Variants in C12orf42 observed in about 807,000 individuals in gnomAD.
C12orf42 encodes the protein chromosome 12 open reading frame 42.
In C12orf42, 25 loss-of-function variants were observed where a neutral mutation model predicts 21.6. That is an observed-to-expected ratio of 1.16 (90% CI 0.84 to 1.62). C12orf42 has a LOEUF of 1.62. Ranked by LOEUF, C12orf42 falls within the 40% of genes most tolerant of loss-of-function variation. The pLI, the probability that C12orf42 is intolerant of heterozygous loss-of-function variation, is 0.00. For synonymous variants in C12orf42, 174 were observed against 175.0 expected (o/e 0.99, Z 0.05); for missense variants, 483 against 459.3 (o/e 1.05, Z -0.47).
intron 2 of C12orf42, among the ~76,000 whole-genome samples, chr12:103,471,815 T>G (rs1459910754): frequency 1.3e-5 from 2 of 152,178 alleles, no homozygotes; most frequent in African/African-American, 4.8e-5. Flanking sequence ...CACATTGACC[T>G]CTCTATTTTT....
At chr12:103,285,155 T>A (rs1258182611) in intron 4 of C12orf42, among the ~76,000 whole-genome samples, 2 of 152,230 alleles carry the variant, frequency 1.3e-5, no homozygotes, top group African/African-American at 2.4e-5. Flanking sequence ...CGACTTATGA[T>A]CTACTTTGGA....
At chr12:103,382,404 A>T (rs996073294) in intron 3 of C12orf42, among the ~76,000 whole-genome samples, 3 of 152,388 alleles carry the variant, frequency 2.0e-5, no homozygotes, top group South Asian at 2.1e-4. Flanking sequence ...CAATAGTAGC[A>T]GAAGACTAAA....
At chr12:103,306,989 G>T (rs1415286533) in intron 4 of C12orf42, among the ~76,000 whole-genome samples, 1 of 152,130 alleles carries the variant, frequency 6.6e-6, no homozygotes, top group Non-Finnish European at 1.5e-5. Flanking sequence ...GGAACACCTG[G>T]GCTACCAGGA....
chr12:103,415,081 T>C (rs1179220189), intron 2 of C12orf42, among the ~76,000 whole-genome samples: 1 of 151,020 alleles, frequency 6.6e-6, no homozygotes, highest in East Asian at 1.9e-4. Context: ...AGATCTACCA[T>C]GAAAACAGAA....
At position 103,356,203 on chromosome 12, in the gene C12orf42, A is replaced by G. The variant is rs184175138; in HGVS notation, c.259+12684T>C. Among the ~76,000 whole-genome samples the G allele has an allele frequency of 1.8e-3, 271 of 152,024 alleles. 1 individual carries two copies. The highest frequency in any genetic ancestry group is 5.9e-3 in the African/African-American group (245 of 41,478). On this transcript the variant is annotated intron_variant, in intron 4 of 5. Coordinates refer to ENST00000548883, the MANE Select transcript of C12orf42 (RefSeq NM_198521.5). ...CTTTTATGCCTCCTCCCTTCTCTTGATCATCTCATCCACTCTCAAGAATTG... is the reference window on the plus strand; with the variant it reads ...CTTTTATGCCTCCTCCCTTCTCTTGGTCATCTCATCCACTCTCAAGAATTG...
At chr12:103,562,429 T>C in the C12orf42 span, among the ~76,000 whole-genome samples, 1 of 152,214 alleles carries the variant, frequency 6.6e-6, no homozygotes, top group African/African-American at 2.4e-5. Flanking sequence ...AGCAACACTT[T>C]GCCAAATGAA....
chr12:103,356,978 G>A (rs1026698757), intron 4 of C12orf42, among the ~76,000 whole-genome samples: 1 of 151,880 alleles, frequency 6.6e-6, no homozygotes, highest in African/African-American at 2.4e-5. Flanking sequence ...AAAAAATGAT[G>A]AGTTCATGTC....
the C12orf42 span, among the ~76,000 whole-genome samples, chr12:103,524,245 C>T: frequency 1.3e-5 from 2 of 152,198 alleles, no homozygotes; most frequent in Non-Finnish European, 2.9e-5. Context: ...GGGAGACAAG[C>T]TCAGTTATTT....
chr12:103,327,624 A>C (rs2040831883), intron 4 of C12orf42, among the ~76,000 whole-genome samples: 1 of 152,206 alleles, frequency 6.6e-6, no homozygotes, highest in African/African-American at 2.4e-5. Context: ...CCAGGTGTTG[A>C]AGTCACCAGA....
At chr12:103,112,164 G>C in the C12orf42 span, among the ~76,000 whole-genome samples, 3 of 152,228 alleles carry the variant, frequency 2.0e-5, no homozygotes, top group African/African-American at 7.2e-5. Context: ...CTAGCCTGTG[G>C]ATGTGGGATA....
chr12:103,312,987 C>CA, intron 4 of C12orf42, among the ~76,000 whole-genome samples: 1 of 152,232 alleles, frequency 6.6e-6, no homozygotes, highest in African/African-American at 2.4e-5. Flanking sequence ...ACTTCACACC[C>CA]ACTTCTTGTA....
At chr12:103,551,456 G>T in the C12orf42 span, among the ~76,000 whole-genome samples, 2 of 152,104 alleles carry the variant, frequency 1.3e-5, no homozygotes, top group African/African-American at 4.8e-5. Context: ...GTTCGAGGCT[G>T]CAGTGAGCCA....
intron 6 of C12orf42, among the ~76,000 whole-genome samples, chr12:103,269,558 T>G (rs1428971399): frequency 2.6e-5 from 4 of 152,210 alleles, no homozygotes. Context: ...CAATCAGTGT[T>G]TAATATTCAT....
chr12:103,340,196 A>G (rs1939066919), intron 4 of C12orf42, among the ~76,000 whole-genome samples: 1 of 152,212 alleles, frequency 6.6e-6, no homozygotes, highest in Non-Finnish European at 1.5e-5. Context: ...CGCTAAAGAG[A>G]GTGAGTTCTC....
intron 4 of C12orf42, chr12:103,368,030 T>TA (rs2044781877): frequency 7.9e-7 from 1 of 1,268,336 alleles, no homozygotes; most frequent in African/African-American, 1.5e-5. Flanking sequence ...TCAGTTGTCC[T>TA]AAAAACTTCA....
At chr12:103,156,896 C>T in the C12orf42 span, among the ~76,000 whole-genome samples, 1 of 152,080 alleles carries the variant, frequency 6.6e-6, no homozygotes, top group African/African-American at 2.4e-5. Context: ...TGGGTTGGTT[C>T]CATGTCTTTG....
chr12:103,401,759 C>G, intron 2 of C12orf42, 84 bp from the exon 3 acceptor site: 2 of 1,287,782 alleles, frequency 1.6e-6, no homozygotes, highest in Non-Finnish European at 2.2e-6. Context: ...GGTTTTTAGG[C>G]AGATCAGAAG....
intron 2 of C12orf42, among the ~76,000 whole-genome samples, chr12:103,410,042 A>G (rs1326301493): frequency 6.6e-6 from 1 of 152,174 alleles, no homozygotes; most frequent in Admixed American, 6.5e-5. Context: ...TGACACCGTA[A>G]GGAGAATCTC....
At chr12:103,227,686 A>C in the C12orf42 span, among the ~76,000 whole-genome samples, 1 of 152,166 alleles carries the variant, frequency 6.6e-6, no homozygotes, top group African/African-American at 2.4e-5. Flanking sequence ...GGACCAAGGC[A>C]GGCATCCCTG....
Sources: allele counts gnomAD v4.1 joint callset (sites outside exome capture counted in the v4.1 genomes callset), GRCh38; gene constraint gnomAD v4.1.1; transcripts MANE v1.5; gene names NCBI Gene and HGNC (gene_info 2026-07-23, HGNC 2026-07-21).